The following PRKAR1B variants were observed in gnomAD, a reference collection of about 807,000 sequenced individuals.
PRKAR1B encodes the protein cAMP-dependent protein kinase type I-beta regulatory subunit.
PRKAR1B carries 22 observed loss-of-function variants against 46.5 expected under a neutral mutation model. The ratio of observed to expected loss-of-function variants is 0.47; its 90% CI spans 0.34 to 0.68. PRKAR1B has a LOEUF of 0.68. PRKAR1B is among the 30% of genes least tolerant of loss of function. The pLI, the probability that PRKAR1B is intolerant of heterozygous loss-of-function variation, is 0.01. For missense variants in PRKAR1B, 445 were observed against 535.6 expected, an observed-to-expected ratio of 0.83 and a Z score of 1.67; for synonymous variants, 259 against 217.7, an observed-to-expected ratio of 1.19 and a Z score of -1.67.
chr7:631,995 G>A (rs959059581), intron 4 of PRKAR1B, among the ~76,000 whole-genome samples: 51 of 151,448 alleles, frequency 3.4e-4, no homozygotes, highest in Middle Eastern at 3.5e-3. Flanking sequence ...CTTGTGTCCC[G>A]ATCTAGAAAA....
chr7:704,239 G>A (rs1780199681), intron 2 of PRKAR1B, among the ~76,000 whole-genome samples: 2 of 151,960 alleles, frequency 1.3e-5, no homozygotes, highest in African/African-American at 4.8e-5. Flanking sequence ...AACAAAAATA[G>A]ACAAAATCGA....
At chr7:654,482 C>A (rs1785086029) in intron 4 of PRKAR1B, among the ~76,000 whole-genome samples, 1 of 151,194 alleles carries the variant, frequency 6.6e-6, no homozygotes, top group Non-Finnish European at 1.5e-5. Flanking sequence ...AAATCACCAT[C>A]TTCATCCCCT....
At chr7:680,395 C>T (rs1240295152) in intron 3 of PRKAR1B, among the ~76,000 whole-genome samples, 161 bp downstream of exon 3, 1 of 152,182 alleles carries the variant, frequency 6.6e-6, no homozygotes, top group Non-Finnish European at 1.5e-5. Context: ...CAAGCCCACC[C>T]AGAACTGCCT....
At chr7:579,549 C>T (rs1780062632) in intron 8 of PRKAR1B, among the ~76,000 whole-genome samples, 172 bp from the exon 9 acceptor site, 1 of 152,262 alleles carries the variant, frequency 6.6e-6, no homozygotes, top group African/African-American at 2.4e-5. Flanking sequence ...CCCAGCACCT[C>T]TGTGCCAGGG....
chr7:599,306 T>A (rs1199578619), intron 6 of PRKAR1B, among the ~76,000 whole-genome samples: 1 of 151,894 alleles, frequency 6.6e-6, no homozygotes, highest in African/African-American at 2.4e-5. Flanking sequence ...TTCTCTCTTT[T>A]TTTTTTTTGA....
intron 4 of PRKAR1B, among the ~76,000 whole-genome samples, chr7:677,003 G>A (rs1304824351): frequency 1.3e-5 from 2 of 150,154 alleles, no homozygotes; most frequent in African/African-American, 2.4e-5. Flanking sequence ...CCCACCTCCC[G>A]GAGGGCAAGG....
intron 6 of PRKAR1B, among the ~76,000 whole-genome samples, chr7:597,878 G>T (rs140883262): frequency 1.4e-4 from 21 of 152,358 alleles, no homozygotes; most frequent in African/African-American, 4.1e-4. Context: ...TATGGAGGCA[G>T]AACTTGCAAA....
At chr7:610,745 G>C (rs999987609) in intron 4 of PRKAR1B, among the ~76,000 whole-genome samples, 3 of 152,112 alleles carry the variant, frequency 2.0e-5, no homozygotes, top group African/African-American at 7.2e-5. Context: ...AGCACTTAAT[G>C]GCATTAAAAG....
At chr7:708,623 A>G (rs1472463454) in intron 2 of PRKAR1B, among the ~76,000 whole-genome samples, 2 of 151,868 alleles carry the variant, frequency 1.3e-5, no homozygotes, top group African/African-American at 4.8e-5. Context: ...AGTAGTTGGG[A>G]TTACAGGCAC....
At chr7:552,430 A>C (rs1228001425) in intron 9 of PRKAR1B, among the ~76,000 whole-genome samples, 18 of 18,474 alleles carry the variant, frequency 9.7e-4, no homozygotes, top group South Asian at 2.4e-3. Context: ...CCAAACCCCC[A>C]CCTCCCACCC....
chr7:691,694 T>C, intron 2 of PRKAR1B: 4 of 1,274,724 alleles, frequency 3.1e-6, no homozygotes, highest in Middle Eastern at 6.4e-4. Context: ...CCTCACACGG[T>C]CAAAAGCAGC....
At chr7:692,655 G>C (rs1477359433) in intron 2 of PRKAR1B, among the ~76,000 whole-genome samples, 1 of 152,112 alleles carries the variant, frequency 6.6e-6, no homozygotes, top group African/African-American at 2.4e-5. Flanking sequence ...CCCTGCAGTC[G>C]CCCGGGAGAA....
chr7:614,427 C>T (rs1782691037), intron 4 of PRKAR1B, among the ~76,000 whole-genome samples: 2 of 152,204 alleles, frequency 1.3e-5, no homozygotes, highest in Non-Finnish European at 2.9e-5. Flanking sequence ...ATTACTGCCC[C>T]ACTTCACAGA....
intron 4 of PRKAR1B, among the ~76,000 whole-genome samples, chr7:668,443 C>T (rs907775252): frequency 1.3e-5 from 2 of 152,130 alleles, no homozygotes; most frequent in Non-Finnish European, 2.9e-5. Flanking sequence ...CTTTAGAGAC[C>T]GTGGCCAGAA....
At chr7:583,407 TG>T (rs572194416) in intron 8 of PRKAR1B, among the ~76,000 whole-genome samples, 2,278 of 60,514 alleles carry the variant, frequency 0.038, 50 homozygotes, top group East Asian at 0.1. Flanking sequence ...CCCACACGTG[TG>T]CACACCCACG....
intron 4 of PRKAR1B, among the ~76,000 whole-genome samples, chr7:640,765 A>AACACAC (rs71546454): frequency 0.02 from 2,185 of 108,106 alleles, 29 homozygotes; most frequent in Middle Eastern, 0.031. Context: ...CTCTGTCTCA[A>AACACAC]ACACACACAC....
chr7:583,673 CACA>C (rs1780419397), intron 8 of PRKAR1B, among the ~76,000 whole-genome samples: 2 of 129,800 alleles, frequency 1.5e-5, no homozygotes, highest in African/African-American at 8.3e-5. Flanking sequence ...CACACCCACA[CACA>C]ACCCACACGG....
chr7:616,838 T>G (rs1256620749), intron 4 of PRKAR1B, among the ~76,000 whole-genome samples: 1 of 152,130 alleles, frequency 6.6e-6, no homozygotes. Flanking sequence ...CATGTATTTT[T>G]GGGAAAAAAA....
At chr7:555,831 G>T (rs1778392214) in intron 9 of PRKAR1B, among the ~76,000 whole-genome samples, 1 of 152,174 alleles carries the variant, frequency 6.6e-6, no homozygotes, top group Non-Finnish European at 1.5e-5. Flanking sequence ...CAGCACACCT[G>T]GCTCACAGGC....
Sources: gnomAD v4.1 joint callset for allele counts (sites outside exome capture counted in the v4.1 genomes callset) on GRCh38, gnomAD v4.1.1 for gene constraint, MANE v1.5 for transcripts, NCBI Gene and HGNC (gene_info 2026-07-23, HGNC 2026-07-21) for gene names.